Variants in P2RX6 observed in about 807,000 individuals in gnomAD.
P2RX6 encodes purinergic receptor P2X 6.
Under a neutral mutation model 54.2 loss-of-function variants are expected in P2RX6, and 62 were observed. That is an observed-to-expected ratio of 1.14 (90% CI 0.93 to 1.41). The LOEUF (loss-of-function observed/expected upper bound fraction) is 1.41. Among genes scored for constraint, P2RX6 ranks in the 40% most tolerant of loss-of-function variants. The probability of loss-of-function intolerance (pLI) is 0.00; values close to 1 mark genes in which losing one functional copy is unlikely to be tolerated. For missense variants in P2RX6, 541 were observed against 566.3 expected (o/e 0.96, Z 0.45); for synonymous variants, 211 against 231.9 (o/e 0.91, Z 0.82).
intron 8 of P2RX6, among the ~76,000 whole-genome samples, chr22:21,025,464 T>A (rs1180917527): frequency 1.3e-5 from 2 of 152,114 alleles, no homozygotes; most frequent in African/African-American, 4.8e-5. Context: ...AGGCCCAGCC[T>A]CATGTCCCCT....
intron 2 of P2RX6, among the ~76,000 whole-genome samples, chr22:21,016,323 C>T (rs549090909): frequency 1.7e-4 from 26 of 151,900 alleles, no homozygotes; most frequent in Non-Finnish European, 2.9e-4. Flanking sequence ...CAGGGTTGGA[C>T]GTGCTGGCTC....
intron 3 of P2RX6, chr22:21,018,460 G>A (rs1426588945): frequency 3.6e-6 from 1 of 274,332 alleles, no homozygotes. Flanking sequence ...TGCTCAGGGA[G>A]GTTCTAATAG....
At chr22:21,010,504 T>C (rs904838851), upstream of P2RX6, among the ~76,000 whole-genome samples, 4 of 152,066 alleles carry the variant, frequency 2.6e-5, no homozygotes, top group African/African-American at 9.7e-5. Flanking sequence ...GATGAGAGCT[T>C]CTGAAATGCT....
intron 2 of P2RX6, among the ~76,000 whole-genome samples, chr22:21,016,778 C>T (rs528211881): frequency 4.9e-4 from 75 of 152,126 alleles, no homozygotes; most frequent in African/African-American, 1.2e-3. Flanking sequence ...CCCCTCTTCT[C>T]GGCTGCGTTT....
intron 3 of P2RX6, among the ~76,000 whole-genome samples, chr22:21,020,365 C>T (rs1187536107): frequency 6.6e-6 from 1 of 152,158 alleles, no homozygotes; most frequent in Non-Finnish European, 1.5e-5. Flanking sequence ...CCTGATCCCT[C>T]CCTTACATGC....
chr22:21,015,835 C>A, intron 1 of P2RX6, 107 bp from the exon 2 acceptor site: 1 of 1,199,476 alleles, frequency 8.3e-7, no homozygotes. Context: ...CGATGTTGGG[C>A]CGGGAGCCTG....
In P2RX6 at chr22:21,027,502, A is replaced by T. The variant is rs886433466; in HGVS notation, c.*885A>T. 6.6e-6 allele frequency: 1 copy of T among 151,908 alleles called. No homozygotes were observed. Among genetic ancestry groups the T allele is most frequent in the Non-Finnish European group, 1.5e-5 (1 of 68,074 alleles). The allele number at this position is 151,908 out of a possible 1,614,324, so 9.4% of individuals were successfully genotyped here. On this transcript the variant is annotated 3_prime_UTR_variant, in exon 12 of 12. Transcript: ENST00000413302. ...TGAAATTCACTTCAGTCCAAGTCAT[A>T]CCTAGGAAGCTGTCTGGGCAGCTGC...
At chr22:21,011,960 G>T (rs1029576661), upstream of P2RX6, among the ~76,000 whole-genome samples, 10 of 152,224 alleles carry the variant, frequency 6.6e-5, no homozygotes, top group African/African-American at 2.4e-4. Flanking sequence ...TAGCCCAGGT[G>T]ACTGTGCATG....
At position 21,023,703 on chromosome 22, in the gene P2RX6, A is replaced by G. The variant is rs971975267; in HGVS notation, c.890+85A>G. 3.0e-5 allele frequency: 29 copies of G among 951,880 alleles called. No individual in the cohort carries two copies. In the African/African-American group the frequency reaches 4.4e-4, roughly 14 times the overall value. 59.0% of individuals were successfully genotyped at this position (951,880 alleles called of 1,614,324 possible). On this transcript the variant is annotated intron_variant, in intron 8 of 11. Transcript: ENST00000413302. Reference sequence around the variant, plus strand: ...GCCAGGACAGACCACACCCAGGCCCAGGCCTCTAGATATTCCACTACGTGT... The same window carrying G: ...GCCAGGACAGACCACACCCAGGCCCGGGCCTCTAGATATTCCACTACGTGT...
In P2RX6 at chr22:21,023,171, T is replaced by A. The variant is rs760424891; in HGVS notation, c.611T>A (p.Val204Asp). ...QNFTLFIKNT[V>D]TFSKFNFSKS... Reference sequence around the variant, plus strand: ...TTCACACTGTTCATCAAAAACACAGTCACCTTCAGCAAGTTCAACTTCTCT... The same window carrying A: ...TTCACACTGTTCATCAAAAACACAGACACCTTCAGCAAGTTCAACTTCTCT... The change falls in exon 6 of 12, where the codon GTC (valine) becomes GAC (aspartate). Residue 204 changes from valine (V) to aspartate (D), a missense_variant. Around this residue, in one of 2 missense-constraint regions of P2RX6, gnomAD observed 526 missense variants for 531.5 expected, o/e 0.99. Coordinates refer to ENST00000413302, the MANE Select transcript of P2RX6 (RefSeq NM_005446.5). 4 of 1,613,858 alleles carry A rather than the reference T, an allele frequency of 2.5e-6. No homozygotes were observed. In the Admixed American group the frequency reaches 6.7e-5, roughly 27 times the overall value.
upstream of P2RX6, among the ~76,000 whole-genome samples, chr22:21,012,063 G>A (rs398776): frequency 0.05 from 7,663 of 152,228 alleles, 242 homozygotes; most frequent in Middle Eastern, 0.082. Flanking sequence ...AGGTCTTGTG[G>A]GGGCCATTTC....
chr22:21,016,607 GC>G (rs1431019927), intron 2 of P2RX6, among the ~76,000 whole-genome samples: 2 of 135,940 alleles, frequency 1.5e-5, no homozygotes, highest in Non-Finnish European at 3.2e-5. Flanking sequence ...AAAAAAAAAA[GC>G]CAGGCCAGAG....
chr22:21,023,712 G>C, intron 8 of P2RX6, 94 bp downstream of exon 8: 1 of 868,580 alleles, frequency 1.2e-6, no homozygotes, highest in Non-Finnish European at 1.9e-6. Flanking sequence ...CAGGCCTCTA[G>C]ATATTCCACT....
intron 3 of P2RX6, among the ~76,000 whole-genome samples, chr22:21,021,070 C>T (rs971725017): frequency 6.6e-6 from 1 of 152,056 alleles, no homozygotes; most frequent in African/African-American, 2.4e-5. Context: ...GAAGGTAGTT[C>T]AGGATTTCAG....
intron 2 of P2RX6, among the ~76,000 whole-genome samples, chr22:21,017,520 T>G (rs1280257603): frequency 6.6e-6 from 1 of 152,154 alleles, no homozygotes; most frequent in Non-Finnish European, 1.5e-5. Context: ...AGCTCTCCCT[T>G]GGATCTTCAG....
upstream of P2RX6, chr22:21,012,507 G>A: frequency 1.7e-6 from 1 of 571,910 alleles, no homozygotes; most frequent in Non-Finnish European, 3.3e-6. Flanking sequence ...CTGCCCACCT[G>A]CCCCAGACCC....
chr22:21,018,607 G>A (rs1926831702), intron 3 of P2RX6: 1 of 158,464 alleles, frequency 6.3e-6, no homozygotes. Flanking sequence ...TATGATTTCT[G>A]GATAGTTTTT....
intron 8 of P2RX6, 78 bp downstream of exon 8, chr22:21,023,696 C>T: frequency 2.0e-6 from 2 of 1,003,528 alleles, no homozygotes; most frequent in Non-Finnish European, 3.1e-6. Flanking sequence ...AGACCACACC[C>T]AGGCCCAGGC....
Position 21,026,784 on chromosome 22 carries a change from G to A in P2RX6, c.*167G>A. ...CCTTGGTAGGGTGCTGCCTCAGGGA[G>A]CCATAGAAGTCGGCTGTGTTTTGAG... On this transcript the variant is annotated 3_prime_UTR_variant, in exon 12 of 12. Coordinates refer to ENST00000413302, the MANE Select transcript of P2RX6 (RefSeq NM_005446.5). The surrounding 1 kb of genome is among the most constrained non-coding windows in gnomAD (Gnocchi z 4.0). The A allele has an allele frequency of 7.3e-7, 1 of 1,368,684 alleles. No homozygotes were observed. Among genetic ancestry groups the A allele is most frequent in the South Asian group, 1.5e-5 (1 of 65,628 alleles). 84.8% of individuals were successfully genotyped at this position (1,368,684 alleles called of 1,614,324 possible).
Sources: allele counts gnomAD v4.1 joint callset (sites outside exome capture counted in the v4.1 genomes callset), GRCh38; gene constraint gnomAD v4.1.1; regional missense constraint gnomAD v4.1.1; non-coding constraint Gnocchi (gnomAD v3.1); transcripts MANE v1.5; gene names NCBI Gene and HGNC (gene_info 2026-07-23, HGNC 2026-07-21).